Variants in C16orf95 observed in about 807,000 individuals in gnomAD.
C16orf95 encodes the protein uncharacterized protein C16orf95.
In C16orf95, 41 loss-of-function variants were observed where a neutral mutation model predicts 32.1. That is an observed-to-expected ratio of 1.28 (90% CI 1.00 to 1.66). The LOEUF is 1.66. Among genes scored for constraint, C16orf95 ranks in the 40% most tolerant of loss-of-function variants. The pLI is 0.00. For synonymous variants in C16orf95, 147 were observed against 128.9 expected, an observed-to-expected ratio of 1.14 and a Z score of -0.95; for missense variants, 399 against 325.9, an observed-to-expected ratio of 1.22 and a Z score of -1.73.
At chr16:87,308,940 C>A (rs189308171) in intron 5 of C16orf95, among the ~76,000 whole-genome samples, 40 of 152,274 alleles carry the variant, frequency 2.6e-4, no homozygotes, top group African/African-American at 9.1e-4. Context: ...AATCATCAGT[C>A]CTCTTCAGTT....
chr16:87,306,586 T>C (rs1179734531), intron 5 of C16orf95, among the ~76,000 whole-genome samples: 1 of 152,202 alleles, frequency 6.6e-6, no homozygotes, highest in African/African-American at 2.4e-5. Context: ...CCTAAGTCTG[T>C]CTTTACAAGA....
At position 87,305,235 on chromosome 16, in the gene C16orf95, C is replaced by T. The variant is rs996887386; in HGVS notation, c.701+484G>A. On this transcript the variant is annotated intron_variant, in intron 6 of 6. Coordinates refer to ENST00000567970, the MANE Select transcript of C16orf95 (RefSeq NM_001195124.3). This position sits in a 1 kb window ranked among gnomAD's most constrained non-coding sequence, Gnocchi z 4.2. ...CCAGGGGCGAAACTCGAAGCCTGGG[C>T]GAGGATAGGGACTAGAGACCAGGGG... is the stretch of plus-strand genomic sequence containing the variant. Among the ~76,000 whole-genome samples, 3 of 151,990 alleles carry T rather than the reference C, an allele frequency of 2.0e-5. No homozygotes were observed. Among genetic ancestry groups the T allele is most frequent in the African/African-American group, 7.2e-5 (3 of 41,396 alleles).
chr16:87,315,447 C>A (rs575754770), intron 2 of C16orf95, among the ~76,000 whole-genome samples: 1 of 152,240 alleles, frequency 6.6e-6, no homozygotes, highest in Non-Finnish European at 1.5e-5. Flanking sequence ...ATCTGTCACA[C>A]TCTGGTGTGC....
chr16:87,310,199 G>A, intron 5 of C16orf95, 98 bp downstream of exon 5: 1 of 1,196,034 alleles, frequency 8.4e-7, no homozygotes, highest in Non-Finnish European at 1.2e-6. Flanking sequence ...GTGGGCAGGT[G>A]TCTGGTGATG....
At chr16:87,316,481 G>T (rs546964404) in intron 1 of C16orf95, among the ~76,000 whole-genome samples, 1 of 152,238 alleles carries the variant, frequency 6.6e-6, no homozygotes, top group East Asian at 1.9e-4. Context: ...AGTGTTTTTG[G>T]GTTTCATTGT....
In C16orf95 at chr16:87,305,725, G is replaced by A; in HGVS notation, c.695C>T (p.Ala232Val). The change falls in exon 6 of 7, where the codon GCC (alanine) becomes GTC (valine). Residue 232 changes from alanine to valine, a missense_variant. Physicochemically the swap from Ala to Val is moderately conservative, Grantham distance 64. Coordinates refer to ENST00000567970, the MANE Select transcript of C16orf95 (RefSeq NM_001195124.3). This position sits in a 1 kb window ranked among gnomAD's most constrained non-coding sequence, Gnocchi z 4.2. ...CCATCCCCCACCTGCTCACCGAATG[G>A]CCATGATGACCCTCGGGATGGCCTG... ...LLQAIPRVIM[A>V]IRQCFGV The A allele has an allele frequency of 6.6e-7, 1 of 1,505,532 alleles. No individual in the cohort carries two copies. Among genetic ancestry groups the A allele is most frequent in the Non-Finnish European group, 8.8e-7 (1 of 1,132,862 alleles). 93.3% of individuals were successfully genotyped at this position (1,505,532 alleles called of 1,614,324 possible).
In C16orf95 at chr16:87,317,271, C is replaced by A; in HGVS notation, c.-29G>T. On this transcript the variant is annotated 5_prime_UTR_variant, in exon 1 of 7. The change abolishes the stop of an existing upstream ORF in the 5' untranslated region. Transcript: ENST00000567970. ...GCTTCTTATGGCTGACGCGCCCTTT[C>A]ACACACACATCGTCCGCAGGCCCTG... is the stretch of plus-strand genomic sequence containing the variant. 1 of 1,496,380 alleles carries A rather than the reference C, an allele frequency of 6.7e-7. No homozygotes were observed. The highest frequency in any genetic ancestry group is 8.9e-7 in the Non-Finnish European group (1 of 1,123,846). 92.7% of individuals were successfully genotyped at this position (1,496,380 alleles called of 1,614,324 possible).
At chr16:87,306,045 C>T in intron 5 of C16orf95, 140 bp from the exon 6 acceptor site, 1 of 571,616 alleles carries the variant, frequency 1.7e-6, no homozygotes, top group South Asian at 3.5e-5. Context: ...GGTGGGGACA[C>T]TGACCCGGAG....
intron 4 of C16orf95, 45 bp from the exon 5 acceptor site, chr16:87,310,378 C>A (rs1911226889): frequency 1.3e-6 from 2 of 1,532,278 alleles, no homozygotes; most frequent in Non-Finnish European, 1.7e-6. Flanking sequence ...GGCGACCCTC[C>A]AAGGGGGAAG....
chr16:87,308,418 T>A (rs1911121050), intron 5 of C16orf95, among the ~76,000 whole-genome samples: 1 of 151,922 alleles, frequency 6.6e-6, no homozygotes, highest in Admixed American at 6.6e-5. Flanking sequence ...GAGGCGGAAG[T>A]TGTGGTGAGC....
At chr16:87,315,659 G>A in intron 2 of C16orf95, 113 bp downstream of exon 2, 1 of 827,142 alleles carries the variant, frequency 1.2e-6, no homozygotes, top group Non-Finnish European at 1.8e-6. Context: ...ACACTTTTGT[G>A]TTTGGAGGAT....
chr16:87,308,550 G>A (rs980157439), intron 5 of C16orf95, among the ~76,000 whole-genome samples: 1 of 152,160 alleles, frequency 6.6e-6, no homozygotes. Context: ...TGGTCCTCCA[G>A]AAAGTCTACA....
At chr16:87,313,764 T>C (rs1280675374) in intron 3 of C16orf95, among the ~76,000 whole-genome samples, 1 of 152,118 alleles carries the variant, frequency 6.6e-6, no homozygotes, top group Non-Finnish European at 1.5e-5. Flanking sequence ...TGGAAAGACA[T>C]TTACAAATTG....
At chr16:87,304,363 C>T (rs1304473887) in intron 6 of C16orf95, among the ~76,000 whole-genome samples, 5 of 151,360 alleles carry the variant, frequency 3.3e-5, no homozygotes, top group Admixed American at 2.0e-4. Context: ...CTCGCCCATC[C>T]TCTAAGGCTG....
At chr16:87,314,148 G>C (rs1904300370) in intron 3 of C16orf95, among the ~76,000 whole-genome samples, 1 of 152,040 alleles carries the variant, frequency 6.6e-6, no homozygotes, top group South Asian at 2.1e-4. Flanking sequence ...ATATGATTCA[G>C]GAATTCCACT....
At position 87,305,564 on chromosome 16, in the gene C16orf95, C is replaced by G. The variant is rs1234187404; in HGVS notation, c.701+155G>C. 6.6e-6 allele frequency among the ~76,000 whole-genome samples: 1 copy of G among 150,736 alleles called. No homozygotes were observed. The highest frequency in any genetic ancestry group is 1.5e-5 in the Non-Finnish European group (1 of 67,836). On this transcript the variant is annotated intron_variant, in intron 6 of 6. Transcript: ENST00000567970. This position sits in a 1 kb window ranked among gnomAD's most constrained non-coding sequence, Gnocchi z 4.2. ...GGGGCAGAGCCTGCGCTGTGCAGAG[C>G]ACCACAGGACACACTCACAGTGCCG...
chr16:87,313,212 A>G (rs35235339), intron 3 of C16orf95, among the ~76,000 whole-genome samples: 73,160 of 149,686 alleles, frequency 0.49, 18,736 homozygotes, highest in Non-Finnish European at 0.58. Flanking sequence ...AAAAAGAGAA[A>G]AGCCAAGTCT....
At chr16:87,304,567 C>T (rs1245591972) in intron 6 of C16orf95, among the ~76,000 whole-genome samples, 1 of 152,258 alleles carries the variant, frequency 6.6e-6, no homozygotes, top group Non-Finnish European at 1.5e-5. Flanking sequence ...AGGTACTGCT[C>T]ATGCTCAGAG....
At chr16:87,315,849 A>G (rs1392730671) in intron 1 of C16orf95, 26 bp from the exon 2 acceptor site, 2 of 1,518,728 alleles carry the variant, frequency 1.3e-6, no homozygotes, top group Middle Eastern at 1.7e-4. Context: ...AGAAAAGCTT[A>G]GGGTTTGTGT....
Sources: allele counts gnomAD v4.1 joint callset (sites outside exome capture counted in the v4.1 genomes callset), GRCh38; gene constraint gnomAD v4.1.1; non-coding constraint Gnocchi (gnomAD v3.1); transcripts MANE v1.5; gene names NCBI Gene and HGNC (gene_info 2026-07-23, HGNC 2026-07-21).